The following ATP8A2 variants were observed in gnomAD, a reference collection of about 807,000 sequenced individuals.
ATP8A2 encodes the protein ATPase phospholipid transporting 8A2, also known as phospholipid-transporting ATPase IB.
ATP8A2 carries 100 observed loss-of-function variants against 165.6 expected under a neutral mutation model. The ratio of observed to expected loss-of-function variants is 0.60; its 90% CI spans 0.51 to 0.71. ATP8A2 has a LOEUF of 0.71. Among genes scored for constraint, ATP8A2 ranks in the 30% least tolerant of loss-of-function variants. The pLI, the probability that ATP8A2 is intolerant of heterozygous loss-of-function variation, is 0.00. For synonymous variants in ATP8A2, 543 were observed against 548.8 expected, an observed-to-expected ratio of 0.99 and a Z score of 0.15; for missense variants, 1,227 against 1,479.5, an observed-to-expected ratio of 0.83 and a Z score of 2.80.
intron 24 of ATP8A2, among the ~76,000 whole-genome samples, chr13:25,610,791 A>G (rs760230312): frequency 1.5e-4 from 21 of 141,034 alleles, no homozygotes; most frequent in Non-Finnish European, 2.2e-4. Context: ...TTTGGGATGT[A>G]TTTCCATTTG....
chr13:25,906,272 A>G (rs1953934355), intron 33 of ATP8A2, among the ~76,000 whole-genome samples: 1 of 105,570 alleles, frequency 9.5e-6, no homozygotes, highest in Non-Finnish European at 1.8e-5. Flanking sequence ...GCCCAATCCT[A>G]GCATAAACTT....
chr13:25,645,417 A>G (rs371423861), intron 24 of ATP8A2, among the ~76,000 whole-genome samples: 4 of 152,200 alleles, frequency 2.6e-5, no homozygotes, highest in African/African-American at 9.6e-5. Context: ...AAACCATATC[A>G]TGCTCTGATC....
rs1467476209 is a variant in ATP8A2 at position 26,021,660 on chromosome 13, G to T, written c.*1675G>T. ...CTCTGGTTGCCAAACCAGATTTTTG[G>T]ATGGCCTAAATACTTGTGGGCAACT... On this transcript the variant is annotated 3_prime_UTR_variant, in exon 37 of 37. Coordinates refer to ENST00000381655, the MANE Select transcript of ATP8A2 (RefSeq NM_016529.6). 2 of 152,156 alleles carry T rather than the reference G, an allele frequency of 1.3e-5. No individual in the cohort carries two copies. The highest frequency in any genetic ancestry group is 4.8e-5 in the African/African-American group (2 of 41,428). The allele number at this position is 152,156 out of a possible 1,614,324, so 9.4% of individuals were successfully genotyped here. A position where few individuals can be genotyped will look rare whatever the true frequency, so the allele number is the denominator to read the frequency against.
chr13:25,705,132 C>T, intron 25 of ATP8A2: 1 of 426,578 alleles, frequency 2.3e-6, no homozygotes, highest in Non-Finnish European at 4.6e-6. Flanking sequence ...TTCTTTCTTC[C>T]CCCTTTCTCA....
Position 25,545,941 on chromosome 13 carries a change from T to C in ATP8A2, c.891+2539T>C, listed in dbSNP as rs376284613. 6.8e-4 allele frequency among the ~76,000 whole-genome samples: 103 copies of C among 152,294 alleles called. 1 individual carries two copies. The highest frequency in any genetic ancestry group is 2.4e-3 in the African/African-American group (101 of 41,574). ...TGAGCCACAGTTCCCAGCCTACTTC[T>C]GTTTTTTATGATGAAGTGGCAGACA... On this transcript the variant is annotated intron_variant, in intron 10 of 36. Transcript: ENST00000381655.
chr13:25,669,179 C>T (rs996621675), intron 24 of ATP8A2, among the ~76,000 whole-genome samples: 3 of 151,904 alleles, frequency 2.0e-5, no homozygotes, highest in African/African-American at 7.3e-5. Context: ...CAGATTCTCT[C>T]CCCTAACCAC....
At position 25,551,238 on chromosome 13, in the gene ATP8A2, C is replaced by T. The variant is rs575124454; in HGVS notation, c.892-100C>T. On this transcript the variant is annotated intron_variant, in intron 10 of 36. Coordinates refer to ENST00000381655, the MANE Select transcript of ATP8A2 (RefSeq NM_016529.6). ...TATTTGGCAAAAAAATAGTCTTTTA[C>T]TTGTTGGTTGTTAAATATGGTTGTT... 4.2e-5 allele frequency: 49 copies of T among 1,158,716 alleles called. No individual in the cohort carries two copies. In the Admixed American group the frequency reaches 1.1e-3, roughly 25 times the overall value. The allele number at this position is 1,158,716 out of a possible 1,614,324, so 71.8% of individuals were successfully genotyped here.
intron 24 of ATP8A2, among the ~76,000 whole-genome samples, chr13:25,692,344 G>T (rs2042743048): frequency 6.6e-6 from 1 of 152,162 alleles, no homozygotes; most frequent in Non-Finnish European, 1.5e-5. Context: ...ACTGGAATTT[G>T]CAGGACATCA....
Position 25,892,215 on chromosome 13 carries a change from G to T in ATP8A2, c.3183+29807G>T, listed in dbSNP as rs199956215. 6.6e-5 allele frequency among the ~76,000 whole-genome samples: 10 copies of T among 151,996 alleles called. No individual in the cohort carries two copies. In the East Asian group the frequency reaches 1.9e-3, roughly 30 times the overall value. On this transcript the variant is annotated intron_variant, in intron 33 of 36. Transcript: ENST00000381655. The stretch of plus-strand genomic sequence containing the variant: ...GATGGTCTTGATCTCCTGACCTCAT[G>T]ATCCACCCGCCTCAGCCTCCAAAGT...
intron 33 of ATP8A2, among the ~76,000 whole-genome samples, chr13:25,933,241 C>A (rs1954810914): frequency 6.6e-6 from 1 of 152,186 alleles, no homozygotes; most frequent in Non-Finnish European, 1.5e-5. Context: ...GCTCAGTTTC[C>A]CATCTTAATT....
intron 25 of ATP8A2, 98 bp from the exon 26 acceptor site, chr13:25,768,948 C>T (rs977721102): frequency 1.6e-5 from 18 of 1,138,986 alleles, no homozygotes; most frequent in Non-Finnish European, 2.1e-5. Context: ...ATTTGGAGAT[C>T]GTCCAGTAAC....
At chr13:25,771,474 T>A (rs2044617921) in intron 26 of ATP8A2, among the ~76,000 whole-genome samples, 1 of 152,174 alleles carries the variant, frequency 6.6e-6, no homozygotes, top group African/African-American at 2.4e-5. Context: ...AGGCAAATAT[T>A]TGTCTGTCTT....
chr13:25,951,817 G>A (rs1980743), intron 33 of ATP8A2, among the ~76,000 whole-genome samples: 87,469 of 151,622 alleles, frequency 0.58, 27,757 homozygotes, highest in East Asian at 0.77. Flanking sequence ...CACTGATACC[G>A]CCCACTGTCA....
rs144773062 is a variant in ATP8A2 at position 25,720,597 on chromosome 13, C to T, written c.2384+21252C>T. Among the ~76,000 whole-genome samples the T allele has an allele frequency of 5.1e-3, 778 of 152,298 alleles. 5 individuals are homozygous for T. The highest frequency in any genetic ancestry group is 0.018 in the African/African-American group (737 of 41,568). On this transcript the variant is annotated intron_variant, in intron 25 of 36. Coordinates refer to ENST00000381655, the MANE Select transcript of ATP8A2 (RefSeq NM_016529.6). ...CCTCAGGTCGTCCACTCATCTCACACGTGGCCTCTTCCCTTACACAGGAAG... is the reference window on the plus strand; with the variant it reads ...CCTCAGGTCGTCCACTCATCTCACATGTGGCCTCTTCCCTTACACAGGAAG...
rs577909522 is a variant in ATP8A2, at chr13:25,821,362, A to T, written c.2680-6756A>T. The stretch of plus-strand genomic sequence containing the variant: ...TTTTACCCCCTCGTATGTTTTCAAC[A>T]GCTTGCGTGTCTTGATTATACCGAA... On this transcript the variant is annotated intron_variant, in intron 27 of 36. Transcript: ENST00000381655. Among the ~76,000 whole-genome samples, 2 of 152,340 alleles carry T rather than the reference A, an allele frequency of 1.3e-5. 1 individual carries two copies. The highest frequency in any genetic ancestry group is 4.1e-4 in the South Asian group (2 of 4,826).
rs185604008 is a variant in ATP8A2 at position 26,018,345 on chromosome 13, G to A, written c.3470-1543G>A. On this transcript the variant is annotated intron_variant, in intron 36 of 36. Transcript: ENST00000381655. The stretch of plus-strand genomic sequence containing the variant: ...TTCTCCATCCCACGAGGACTCTTCT[G>A]TCTTGTTACTGTATGTCTTGATACT... Among the ~76,000 whole-genome samples, 234 of 152,296 alleles carry A rather than the reference G, an allele frequency of 1.5e-3. 1 individual carries two copies. The highest frequency in any genetic ancestry group is 4.8e-3 in the African/African-American group (198 of 41,576).
chr13:25,950,090 G>A (rs112982160), intron 33 of ATP8A2, among the ~76,000 whole-genome samples: 7,896 of 152,120 alleles, frequency 0.052, 643 homozygotes, highest in African/African-American at 0.17. Context: ...GTGAGCCACC[G>A]CTCCCAGCCC....
intron 19 of ATP8A2, 53 bp from the exon 20 acceptor site, chr13:25,577,016 A>T: frequency 1.4e-6 from 2 of 1,424,754 alleles, no homozygotes; most frequent in South Asian, 2.3e-5. Context: ...CAGCTGTGGG[A>T]TATGCATCCT....
At chr13:25,929,563 A>G (rs1052364498) in intron 33 of ATP8A2, among the ~76,000 whole-genome samples, 1 of 152,194 alleles carries the variant, frequency 6.6e-6, no homozygotes, top group South Asian at 2.1e-4. Flanking sequence ...AGATTTTCAA[A>G]AAACCTTGCC....
Sources: allele counts gnomAD v4.1 joint callset (sites outside exome capture counted in the v4.1 genomes callset), GRCh38; gene constraint gnomAD v4.1.1; transcripts MANE v1.5; gene names NCBI Gene and HGNC (gene_info 2026-07-23, HGNC 2026-07-21).